Variants in ADAMTS18 observed in about 807,000 individuals in gnomAD.
The protein encoded by ADAMTS18 is ADAM metallopeptidase with thrombospondin type 1 motif 18, also known as A disintegrin and metalloproteinase with thrombospondin motifs 18.
A neutral mutation model predicts 165.9 loss-of-function variants in ADAMTS18; 157 were observed. The ratio of observed to expected loss-of-function variants is 0.95; its 90% CI spans 0.83 to 1.08. The LOEUF (loss-of-function observed/expected upper bound fraction) is 1.08, where lower values mean the gene tolerates loss of function less well. Among genes scored for constraint, ADAMTS18 ranks in the 50% least tolerant of loss-of-function variants. The pLI is 0.00. For missense variants in ADAMTS18, 2,040 were observed against 1,534.0 expected (o/e 1.33, Z -5.51); for synonymous variants, 782 against 578.2 (o/e 1.35, Z -5.06).
At chr16:77,313,902 T>TA (rs1174781991) in intron 16 of ADAMTS18, among the ~76,000 whole-genome samples, 1 of 152,174 alleles carries the variant, frequency 6.6e-6, no homozygotes. Context: ...AAAAAGGACT[T>TA]AAAAAATCCA....
Position 77,367,658 on chromosome 16 carries a change from C to T in ADAMTS18, c.561G>A (p.Gln187=), listed in dbSNP as rs866427853. ...CCGCAGGGGAGCTGTAGTTGTGTTC[C>T]TGGGCCAGAAGCTGAGGTAATGGCG... ...LISPLPQLLA[Q]EHNYSSPAGH... The change falls in exon 4 of 23, where the codon CAG becomes CAA. Residue 187 remains glutamine (Q), a synonymous_variant. Transcript: ENST00000282849. The T allele has an allele frequency of 3.1e-6, 5 of 1,614,044 alleles. No homozygotes were observed. Among genetic ancestry groups the T allele is most frequent in the Middle Eastern group, 3.3e-4 (2 of 6,084 alleles).
At chr16:77,337,477 G>T (rs182738234) in intron 11 of ADAMTS18, among the ~76,000 whole-genome samples, 1 of 152,246 alleles carries the variant, frequency 6.6e-6, no homozygotes, top group Non-Finnish European at 1.5e-5. Context: ...AGAAATACTA[G>T]CTAACTTGCT....
chr16:77,329,738 G>C (rs890222639), intron 12 of ADAMTS18, among the ~76,000 whole-genome samples: 25 of 152,082 alleles, frequency 1.6e-4, no homozygotes, highest in African/African-American at 1.9e-4. Flanking sequence ...TAAAAATATA[G>C]GCAATATTTT....
intron 7 of ADAMTS18, among the ~76,000 whole-genome samples, chr16:77,360,645 A>G (rs1221521272): frequency 2.6e-5 from 4 of 152,256 alleles, no homozygotes; most frequent in African/African-American, 9.6e-5. Flanking sequence ...GAATGGATAT[A>G]TACCATCTTT....
At chr16:77,331,573 T>C (rs72801633) in intron 12 of ADAMTS18, among the ~76,000 whole-genome samples, 51 of 152,318 alleles carry the variant, frequency 3.3e-4, no homozygotes, top group Non-Finnish European at 5.3e-4. Context: ...TCACTGGGCC[T>C]GATTACATCT....
At chr16:77,430,745 T>C (rs569122672) in intron 3 of ADAMTS18, among the ~76,000 whole-genome samples, 2 of 152,312 alleles carry the variant, frequency 1.3e-5, no homozygotes, top group Middle Eastern at 3.4e-3. Context: ...TCTGCTTCCC[T>C]GAATGCCACA....
intron 14 of ADAMTS18, 87 bp downstream of exon 14, chr16:77,322,249 C>G: frequency 6.7e-7 from 1 of 1,501,496 alleles, no homozygotes. Flanking sequence ...TCCAGACACA[C>G]AATCTCTCAC....
In ADAMTS18 at chr16:77,434,468, G is replaced by A. The variant is rs1457765729; in HGVS notation, c.128C>T (p.Ala43Val). 6.4e-7 allele frequency: 1 copy of A among 1,570,818 alleles called. No individual in the cohort carries two copies. The highest frequency in any genetic ancestry group is 2.3e-5 in the East Asian group (1 of 43,560). ...GCTGCTGTCACTGGCTAAGGCCGCG[G>A]CGACCGACGCACAGCAGAGGCAGCA... ...QLCCLCCASV[A>V]AALASDSSSG... is the part of the protein sequence containing the mutation. The change falls in exon 2 of 23, where the codon GCC becomes GTC. Residue 43 changes from alanine (A) to valine (V), a missense_variant. Ala to Val is a moderately conservative substitution (Grantham distance 64, BLOSUM62 0). Coordinates refer to ENST00000282849, the MANE Select transcript of ADAMTS18 (RefSeq NM_199355.4).
chr16:77,343,600 G>A (rs966872666), intron 10 of ADAMTS18, among the ~76,000 whole-genome samples: 1 of 152,126 alleles, frequency 6.6e-6, no homozygotes, highest in South Asian at 2.1e-4. Context: ...AGCTGGCCAG[G>A]AACAAAGGCA....
intron 3 of ADAMTS18, among the ~76,000 whole-genome samples, chr16:77,429,047 C>A (rs940760353): frequency 3.3e-5 from 5 of 152,120 alleles, no homozygotes; most frequent in African/African-American, 1.2e-4. Flanking sequence ...TTTCAAAGAG[C>A]TAAAAGCAGA....
At chr16:77,297,240 A>C (rs749804034) in intron 18 of ADAMTS18, 49 bp downstream of exon 18, 1 of 1,610,104 alleles carries the variant, frequency 6.2e-7, no homozygotes, top group Non-Finnish European at 8.5e-7. Flanking sequence ...ACAACAATGA[A>C]GGCATACAAG....
At chr16:77,353,636 A>T in intron 10 of ADAMTS18, 97 bp downstream of exon 10, 1 of 1,548,898 alleles carries the variant, frequency 6.5e-7, no homozygotes, top group Non-Finnish European at 8.9e-7. Flanking sequence ...CCAGAACCTA[A>T]CCCTTGGCCT....
At chr16:77,321,023 T>G in intron 15 of ADAMTS18, 56 bp downstream of exon 15, 1 of 1,612,146 alleles carries the variant, frequency 6.2e-7, no homozygotes, top group Non-Finnish European at 8.5e-7. Flanking sequence ...GACTCAAACT[T>G]GTTTGGTAGC....
At chr16:77,355,367 A>G (rs994616369) in intron 9 of ADAMTS18, among the ~76,000 whole-genome samples, 2 of 152,178 alleles carry the variant, frequency 1.3e-5, no homozygotes, top group African/African-American at 4.8e-5. Flanking sequence ...TTTGGCTATC[A>G]TTTGGACATA....
In ADAMTS18 at chr16:77,293,078, C is replaced by G; in HGVS notation, c.3187G>C (p.Glu1063Gln). Residue 1063 changes from glutamate (E) to glutamine (Q), a missense_variant and splice_region_variant, in exon 20 of 23, where the codon GAG (glutamate) becomes CAG (glutamine). Glu to Gln is a conservative substitution (Grantham distance 29). Transcript: ENST00000282849. ...CAGCAGTGACTTCTAATCCATACCT[C>G]GCTCCACGAAGAAGCGACCCACTGT... Reference protein sequence around the residue: ...RLQWVASSWSECSATCGLGVR... With the variant: ...RLQWVASSWSQCSATCGLGVR... The G allele has an allele frequency of 6.2e-7, 1 of 1,614,060 alleles. No individual in the cohort carries two copies. The highest frequency in any genetic ancestry group is 8.5e-7 in the Non-Finnish European group (1 of 1,179,988).
intron 10 of ADAMTS18, among the ~76,000 whole-genome samples, chr16:77,350,980 G>A (rs147919909): frequency 6.5e-4 from 99 of 152,226 alleles, no homozygotes; most frequent in African/African-American, 2.3e-3. Context: ...GTAATAATGG[G>A]ACAATAAAAG....
At chr16:77,287,679 C>G (rs1031680058) in intron 22 of ADAMTS18, among the ~76,000 whole-genome samples, 41 of 152,110 alleles carry the variant, frequency 2.7e-4, no homozygotes, top group South Asian at 4.1e-4. Context: ...ACCATATTAG[C>G]CAGGCTGGTC....
chr16:77,317,936 C>T (rs921101429), intron 16 of ADAMTS18, among the ~76,000 whole-genome samples: 2 of 152,158 alleles, frequency 1.3e-5, no homozygotes, highest in East Asian at 3.9e-4. Flanking sequence ...CATCACTAAT[C>T]TGACCAAAAT....
intron 16 of ADAMTS18, among the ~76,000 whole-genome samples, chr16:77,312,458 G>A (rs560985614): frequency 2.9e-4 from 44 of 152,144 alleles, no homozygotes; most frequent in African/African-American, 9.4e-4. Flanking sequence ...GGCTGGTCTC[G>A]AACTCCTGAC....
Sources: gnomAD v4.1 joint callset for allele counts (sites outside exome capture counted in the v4.1 genomes callset) on GRCh38, gnomAD v4.1.1 for gene constraint, MANE v1.5 for transcripts, NCBI Gene and HGNC (gene_info 2026-07-23, HGNC 2026-07-21) for gene names.